Variants in DNAH5 observed in about 807,000 individuals in gnomAD.
DNAH5 encodes the protein axonemal beta dynein heavy chain 5.
Under a neutral mutation model 518.2 loss-of-function variants are expected in DNAH5, and 372 were observed. The ratio of observed to expected loss-of-function variants is 0.72; its 90% CI spans 0.66 to 0.78. The LOEUF (loss-of-function observed/expected upper bound fraction) is 0.78. DNAH5 is among the 30% of genes least tolerant of loss of function. The probability of loss-of-function intolerance (pLI) is 0.00; values close to 1 mark genes in which losing one functional copy is unlikely to be tolerated. For synonymous variants in DNAH5, 2,039 were observed against 2,025.9 expected (o/e 1.01, Z -0.17); for missense variants, 5,523 against 5,687.0 (o/e 0.97, Z 0.93).
chr5:13,748,961 T>G (rs1749813916), intron 65 of DNAH5, among the ~76,000 whole-genome samples: 1 of 151,904 alleles, frequency 6.6e-6, no homozygotes, highest in Non-Finnish European at 1.5e-5. Context: ...GTAACTAGAT[T>G]GTAGGAAATG....
chr5:13,966,213 A>G (rs554583790), intron 1 of DNAH5, among the ~76,000 whole-genome samples: 12 of 133,406 alleles, frequency 9.0e-5, no homozygotes, highest in East Asian at 6.1e-4. Context: ...GTGTGTGTGT[A>G]TGTGTGTATG....
At chr5:13,881,846 G>A (rs535807833) in intron 21 of DNAH5, among the ~76,000 whole-genome samples, 19 of 151,856 alleles carry the variant, frequency 1.3e-4, no homozygotes, top group South Asian at 6.2e-4. Flanking sequence ...ATAAACAAAT[G>A]AAATAGAAAC....
intron 31 of DNAH5, among the ~76,000 whole-genome samples, chr5:13,850,072 A>T (rs1376166947): frequency 1.3e-5 from 2 of 152,212 alleles, no homozygotes; most frequent in African/African-American, 4.8e-5. Flanking sequence ...TTAAATGCTC[A>T]GGTGCTTGAG....
intron 1 of DNAH5, among the ~76,000 whole-genome samples, chr5:13,977,049 G>A (rs1483050078): frequency 6.6e-6 from 1 of 152,102 alleles, no homozygotes; most frequent in African/African-American, 2.4e-5. Flanking sequence ...CCACAAGGTG[G>A]GGCTACTCCC....
At chr5:13,927,436 G>A (rs1365401635) in intron 3 of DNAH5, among the ~76,000 whole-genome samples, 1 of 152,128 alleles carries the variant, frequency 6.6e-6, no homozygotes, top group African/African-American at 2.4e-5. Context: ...TGAACCCCGG[G>A]AGGTAGAGGT....
chr5:13,713,332 CATAT>C (rs556213733), intron 75 of DNAH5, among the ~76,000 whole-genome samples: 1 of 142,018 alleles, frequency 7.0e-6, no homozygotes, highest in Non-Finnish European at 1.5e-5. Context: ...TATATACCGA[CATAT>C]ATATATACCG....
intron 56 of DNAH5, 82 bp from the exon 57 acceptor site, chr5:13,769,697 G>A: frequency 8.5e-7 from 1 of 1,170,324 alleles, no homozygotes; most frequent in Non-Finnish European, 1.3e-6. Flanking sequence ...AATAATGAGT[G>A]GTAATGGTTA....
chr5:13,904,601 T>C (rs1775063528), intron 12 of DNAH5, among the ~76,000 whole-genome samples: 1 of 151,850 alleles, frequency 6.6e-6, no homozygotes, highest in Non-Finnish European at 1.5e-5. Context: ...AAGAGATATG[T>C]TTAAAATATA....
At chr5:13,756,321 T>C (rs1264753529) in intron 61 of DNAH5, among the ~76,000 whole-genome samples, 1 of 149,236 alleles carries the variant, frequency 6.7e-6, no homozygotes, top group East Asian at 1.9e-4. Flanking sequence ...GTTCAGAAGT[T>C]GGTTGTAGGT....
In DNAH5 at chr5:13,829,494, C is replaced by G. The variant is rs1177606164; in HGVS notation, c.6444+16G>C. On this transcript the variant is annotated intron_variant, in intron 38 of 78. Coordinates refer to ENST00000265104, the MANE Select transcript of DNAH5 (RefSeq NM_001369.3). ...TGAAACATGCCTAAGTGCATAAGAC[C>G]TCCAGGATGACACACCTGCTTAGAA... The G allele has an allele frequency of 6.2e-7, 1 of 1,613,656 alleles. No individual in the cohort carries two copies.
At chr5:13,779,506 C>T (rs1370115032) in intron 53 of DNAH5, among the ~76,000 whole-genome samples, 1 of 152,180 alleles carries the variant, frequency 6.6e-6, no homozygotes, top group Admixed American at 6.5e-5. Context: ...CTTCTTGCTC[C>T]TACACCTAGA....
Position 13,751,172 on chromosome 5 carries a change from T to C in DNAH5, c.11117A>G (p.Glu3706Gly). 1 of 1,613,994 alleles carries C rather than the reference T, an allele frequency of 6.2e-7. No homozygotes were observed. The highest frequency in any genetic ancestry group is 8.5e-7 in the Non-Finnish European group (1 of 1,179,932). The change falls in exon 65 of 79, where the codon GAG becomes GGG. Residue 3706 changes from glutamate to glycine, a missense_variant. By Grantham distance (98) the Glu-to-Gly change is moderately conservative (BLOSUM62 -2). Transcript: ENST00000265104. ...TKLPNPAYTP[E>G]ISARTSIIDF... ...AATGATGGAGGTACGGGCACTTATCTCAGGGGTGTAGGCTGGGTTAGGCAA... is the reference window on the plus strand; with the variant it reads ...AATGATGGAGGTACGGGCACTTATCCCAGGGGTGTAGGCTGGGTTAGGCAA...
chr5:13,932,355 AG>A (rs1201232877), intron 1 of DNAH5: 1 of 152,264 alleles, frequency 6.6e-6, no homozygotes, highest in African/African-American at 2.4e-5. Flanking sequence ...GATAAGGGGT[AG>A]GGGTGGGGAT....
At chr5:13,914,679 A>C in intron 9 of DNAH5, 37 bp from the exon 10 acceptor site, 1 of 1,605,780 alleles carries the variant, frequency 6.2e-7, no homozygotes. Context: ...AAGCACATAA[A>C]ACAGCCATGG....
At chr5:13,785,582 T>C (rs1755862537) in intron 52 of DNAH5, among the ~76,000 whole-genome samples, 1 of 152,202 alleles carries the variant, frequency 6.6e-6, no homozygotes, top group African/African-American at 2.4e-5. Flanking sequence ...TACATTTACA[T>C]TGTTGTGCAA....
At chr5:13,906,796 A>T (rs1775355391) in intron 12 of DNAH5, among the ~76,000 whole-genome samples, 1 of 152,236 alleles carries the variant, frequency 6.6e-6, no homozygotes, top group African/African-American at 2.4e-5. Context: ...TATGTACTAC[A>T]TATTAAAATT....
At chr5:13,973,825 AC>A (rs902069091) in intron 1 of DNAH5, among the ~76,000 whole-genome samples, 11 of 152,128 alleles carry the variant, frequency 7.2e-5, no homozygotes, top group African/African-American at 2.7e-4. Flanking sequence ...ACCACGAAAG[AC>A]TCTGCAAAAT....
intron 44 of DNAH5, 107 bp from the exon 45 acceptor site, chr5:13,810,367 T>C (rs1760457154): frequency 2.1e-6 from 2 of 953,326 alleles, no homozygotes; most frequent in Non-Finnish European, 3.3e-6. Context: ...CTAGTTGCCC[T>C]CCAAGAACAA....
intron 22 of DNAH5, 53 bp downstream of exon 22, chr5:13,876,631 A>G (rs769159360): frequency 8.1e-6 from 13 of 1,599,898 alleles, no homozygotes; most frequent in African/African-American, 2.7e-5. Flanking sequence ...TCACTTTCAC[A>G]CAAGTGCATG....
Sources: allele counts gnomAD v4.1 joint callset (sites outside exome capture counted in the v4.1 genomes callset), GRCh38; gene constraint gnomAD v4.1.1; transcripts MANE v1.5; gene names NCBI Gene and HGNC (gene_info 2026-07-23, HGNC 2026-07-21).